The following FGF12 variants were observed in gnomAD, a reference collection of about 807,000 sequenced individuals.
FGF12 encodes the protein fibroblast growth factor 12.
In FGF12, 14 loss-of-function variants were observed where a neutral mutation model predicts 23.6. The ratio of observed to expected loss-of-function variants is 0.59; its 90% CI spans 0.39 to 0.93. The LOEUF is 0.93. Among genes scored for constraint, FGF12 ranks in the 40% least tolerant of loss-of-function variants. The probability of loss-of-function intolerance (pLI) is 0.00; values close to 1 mark genes in which losing one functional copy is unlikely to be tolerated. For missense variants in FGF12, 175 were observed against 217.8 expected, an observed-to-expected ratio of 0.80 and a Z score of 1.24; for synonymous variants, 62 against 77.3, an observed-to-expected ratio of 0.80 and a Z score of 1.04.
intron 2 of FGF12, among the ~76,000 whole-genome samples, chr3:192,497,974 C>T (rs1724012360): frequency 6.8e-6 from 1 of 146,746 alleles, no homozygotes; most frequent in Non-Finnish European, 1.5e-5. Flanking sequence ...AACAGTAGGC[C>T]ATCAATAAAT....
At chr3:192,609,862 G>C (rs1465123955) in intron 2 of FGF12, among the ~76,000 whole-genome samples, 1 of 152,022 alleles carries the variant, frequency 6.6e-6, no homozygotes, top group Admixed American at 6.6e-5. Flanking sequence ...ACTTGACTTG[G>C]TTCAAACAGA....
chr3:192,284,935 T>C (rs541958601), intron 4 of FGF12, among the ~76,000 whole-genome samples: 1 of 152,162 alleles, frequency 6.6e-6, no homozygotes, highest in African/African-American at 2.4e-5. Context: ...GTTATGAATG[T>C]TACTGGGATT....
At chr3:192,160,131 C>T (rs1247542655) in intron 5 of FGF12, among the ~76,000 whole-genome samples, 1 of 152,136 alleles carries the variant, frequency 6.6e-6, no homozygotes, top group African/African-American at 2.4e-5. Context: ...CAAAGTCATT[C>T]TCTCTACCTC....
At chr3:192,405,581 C>A (rs1720925093) in intron 2 of FGF12, among the ~76,000 whole-genome samples, 1 of 151,526 alleles carries the variant, frequency 6.6e-6, no homozygotes, top group Admixed American at 6.5e-5. Context: ...AATGATATGG[C>A]TTAGGAAGGC....
In FGF12 at chr3:192,620,831, C is replaced by A. The variant is rs576706499; in HGVS notation, c.13+106350G>T. Among the ~76,000 whole-genome samples, 9 of 152,174 alleles carry A rather than the reference C, an allele frequency of 5.9e-5. No individual in the cohort carries two copies. In the South Asian group the frequency reaches 1.0e-3, roughly 18 times the overall value. ...AGAGCTGGGATATCTACTTCCCTAC[C>A]AAAGCCTATCATGGCAGCTCACAAA... On this transcript the variant is annotated intron_variant, in intron 2 of 5. Coordinates refer to ENST00000445105, the MANE Select transcript of FGF12 (RefSeq NM_004113.6).
intron 3 of FGF12, among the ~76,000 whole-genome samples, chr3:192,338,825 A>C (rs1376882790): frequency 1.3e-5 from 2 of 152,212 alleles, no homozygotes; most frequent in Non-Finnish European, 2.9e-5. Context: ...ATTAATATGC[A>C]AGATATGAAC....
At chr3:192,305,149 A>G (rs1560061416) in intron 4 of FGF12, among the ~76,000 whole-genome samples, 2 of 151,924 alleles carry the variant, frequency 1.3e-5, no homozygotes, top group Admixed American at 1.3e-4. Flanking sequence ...ATGAGGAGAG[A>G]TATCAAAGAT....
intron 4 of FGF12, among the ~76,000 whole-genome samples, chr3:192,239,988 A>G (rs961827524): frequency 6.6e-6 from 1 of 152,172 alleles, no homozygotes; most frequent in Admixed American, 6.5e-5. Context: ...AGGGGGGAAG[A>G]TCCCAGAAAT....
At chr3:192,458,993 C>T (rs949704987) in intron 2 of FGF12, among the ~76,000 whole-genome samples, 5 of 152,102 alleles carry the variant, frequency 3.3e-5, no homozygotes, top group African/African-American at 1.2e-4. Flanking sequence ...TCTGCTTTTG[C>T]CTCTTCCTCA....
At chr3:192,532,194 G>T (rs544035620) in intron 2 of FGF12, among the ~76,000 whole-genome samples, 1 of 152,224 alleles carries the variant, frequency 6.6e-6, no homozygotes, top group South Asian at 2.1e-4. Flanking sequence ...GATGCCTCCA[G>T]ATTTGTTGTT....
intron 2 of FGF12, among the ~76,000 whole-genome samples, chr3:192,695,605 C>T (rs1035021164): frequency 7.2e-5 from 11 of 152,138 alleles, no homozygotes; most frequent in African/African-American, 2.7e-4. Flanking sequence ...AGAATTCAAC[C>T]TGAGATCAGT....
chr3:192,706,305 A>T (rs1268974355), intron 2 of FGF12, among the ~76,000 whole-genome samples: 1 of 152,148 alleles, frequency 6.6e-6, no homozygotes, highest in Non-Finnish European at 1.5e-5. Context: ...TCTAATAATC[A>T]CATGCTTTTA....
chr3:192,697,031 T>A (rs1718147464), intron 2 of FGF12, among the ~76,000 whole-genome samples: 1 of 152,106 alleles, frequency 6.6e-6, no homozygotes, highest in Admixed American at 6.5e-5. Context: ...GAACTTCTTT[T>A]TAAGGGCTTC....
intron 4 of FGF12, among the ~76,000 whole-genome samples, chr3:192,187,562 T>C (rs115685033): frequency 0.022 from 3,308 of 152,246 alleles, 139 homozygotes; most frequent in African/African-American, 0.075. Flanking sequence ...TGGTTAATGA[T>C]AAAGAGATTA....
chr3:192,669,327 C>T (rs1717016979), intron 2 of FGF12, among the ~76,000 whole-genome samples: 2 of 152,028 alleles, frequency 1.3e-5, no homozygotes, highest in Non-Finnish European at 1.5e-5. Flanking sequence ...GTGGTTCACG[C>T]CTGTAATCCC....
intron 2 of FGF12, among the ~76,000 whole-genome samples, chr3:192,542,717 A>G (rs1201429866): frequency 6.6e-6 from 1 of 151,650 alleles, no homozygotes; most frequent in Admixed American, 6.6e-5. Context: ...CCCCATCTGT[A>G]TTAGGGAGCA....
intron 2 of FGF12, among the ~76,000 whole-genome samples, chr3:192,400,815 G>A (rs190407304): frequency 1.3e-4 from 20 of 152,174 alleles, no homozygotes; most frequent in Middle Eastern, 3.4e-3. Context: ...AGGCACCTTC[G>A]ACTCTCCACT....
chr3:192,694,572 T>C (rs1718049028), intron 2 of FGF12, among the ~76,000 whole-genome samples: 1 of 151,958 alleles, frequency 6.6e-6, no homozygotes, highest in Admixed American at 6.6e-5. Flanking sequence ...TACACATACA[T>C]ATATATACAT....
At chr3:192,268,973 A>T (rs1713253529) in intron 4 of FGF12, among the ~76,000 whole-genome samples, 1 of 152,052 alleles carries the variant, frequency 6.6e-6, no homozygotes, top group Non-Finnish European at 1.5e-5. Context: ...GGAGTGCAGC[A>T]GCATGAACCT....
Sources: gnomAD v4.1 joint callset for allele counts (sites outside exome capture counted in the v4.1 genomes callset) on GRCh38, gnomAD v4.1.1 for gene constraint, MANE v1.5 for transcripts, NCBI Gene and HGNC (gene_info 2026-07-23, HGNC 2026-07-21) for gene names.